ATP13A1: variants seen among roughly 807,000 people sequenced by gnomAD.
The protein encoded by ATP13A1 is endoplasmic reticulum transmembrane helix translocase.
In ATP13A1, 55 loss-of-function variants were observed where a neutral mutation model predicts 134.8. The ratio of observed to expected loss-of-function variants is 0.41; its 90% confidence interval spans 0.33 to 0.51. ATP13A1 has a LOEUF of 0.51. Among genes scored for constraint, ATP13A1 ranks in the 20% least tolerant of loss-of-function variants. The probability of loss-of-function intolerance (pLI) is 0.29; values close to 1 mark genes in which losing one functional copy is unlikely to be tolerated. For missense variants in ATP13A1, 1,389 were observed against 1,652.8 expected, an observed-to-expected ratio of 0.84 and a Z score of 2.77; for synonymous variants, 775 against 725.1, an observed-to-expected ratio of 1.07 and a Z score of -1.10.
chr19:19,654,556 C>G lies in ATP13A1; in HGVS notation c.1800G>C (p.Trp600Cys). Residue 600 changes from tryptophan to cysteine, a missense_variant, in exon 13 of 26, where the codon TGG becomes TGC. Trp to Cys is a radical substitution (Grantham distance 215). This residue lies in a region of ATP13A1 where 747 missense variants were observed against 956.1 expected (regional missense o/e 0.78). Coordinates refer to ENST00000357324, the MANE Select transcript of ATP13A1 (RefSeq NM_020410.3). ...CCAGCCCCTCACCTTTGGTCAGCGTCCAGTCCACGGCCGTCAGCATGGCCT... is the reference window on the plus strand; with the variant it reads ...CCAGCCCCTCACCTTTGGTCAGCGTGCAGTCCACGGCCGTCAGCATGGCCT... ...LEKAMLTAVD[W>C]TLTKDEKVFP... 6.2e-7 allele frequency: 1 copy of G among 1,609,922 alleles called. No individual in the cohort carries two copies. Among genetic ancestry groups the G allele is most frequent in the Non-Finnish European group, 8.5e-7 (1 of 1,178,546 alleles).
Position 19,656,985 on chromosome 19 carries a change from C to T in ATP13A1, c.906+9G>A, listed in dbSNP as rs1279347859. ...GCACCCCCAACCTGGGTCTCCCTGG[C>T]AGCCACACCTGGATCATGTGGGGCT... On this transcript the variant is annotated intron_variant, in intron 5 of 25. Transcript: ENST00000357324. This position sits in a 1 kb window ranked among gnomAD's most constrained non-coding sequence, Gnocchi z 4.6. 1 of 1,601,468 alleles carries T rather than the reference C, an allele frequency of 6.2e-7. No individual in the cohort carries two copies. Among genetic ancestry groups the T allele is most frequent in the Admixed American group, 1.7e-5 (1 of 58,500 alleles).
chr19:19,663,040 C>CT, intron 1 of ATP13A1: 1 of 725,290 alleles, frequency 1.4e-6, no homozygotes, highest in Non-Finnish European at 2.5e-6. Context: ...ATCTAAATGA[C>CT]CATAACAGGG....
chr19:19,661,075 T>C (rs554614352), intron 1 of ATP13A1, among the ~76,000 whole-genome samples: 188 of 145,862 alleles, frequency 1.3e-3, no homozygotes, highest in African/African-American at 4.5e-3. Context: ...CCAGACTCCA[T>C]CTCAAAAACA....
intron 4 of ATP13A1, 50 bp from the exon 5 acceptor site, chr19:19,657,199 G>C (rs2062064901): frequency 6.7e-7 from 1 of 1,488,892 alleles, no homozygotes; most frequent in African/African-American, 1.4e-5. Flanking sequence ...CTGTTCCCAT[G>C]AGCCCCTTCC....
intron 19 of ATP13A1, 51 bp downstream of exon 19, chr19:19,649,516 T>C (rs974068221): frequency 3.2e-6 from 5 of 1,565,992 alleles, no homozygotes; most frequent in African/African-American, 1.4e-5. Flanking sequence ...CTCAGTGACA[T>C]GTCCTCAACA....
intron 17 of ATP13A1, chr19:19,651,421 G>T: frequency 2.9e-6 from 1 of 349,416 alleles, no homozygotes; most frequent in Non-Finnish European, 5.3e-6. Context: ...ATCTGCCCAT[G>T]AGTGCACAGG....
chr19:19,655,874 G>T lies in ATP13A1; in HGVS notation c.1269+4C>A. On this transcript the variant is annotated splice_donor_region_variant and intron_variant, in intron 9 of 25. Coordinates refer to ENST00000357324, the MANE Select transcript of ATP13A1 (RefSeq NM_020410.3). The surrounding 1 kb of genome is among the most constrained non-coding windows in gnomAD (Gnocchi z 5.7). ...GCCCGCCCTCCCCAGACCTGGCCCC[G>T]CACCTGGGATGTGTTGAATCCGGTC... is the stretch of plus-strand genomic sequence containing the variant. The T allele has an allele frequency of 6.3e-7, 1 of 1,580,756 alleles. No homozygotes were observed.
At chr19:19,657,689 C>T (rs2062068406) in intron 3 of ATP13A1, among the ~76,000 whole-genome samples, 1 of 152,202 alleles carries the variant, frequency 6.6e-6, no homozygotes, top group Non-Finnish European at 1.5e-5. Context: ...CTCTTCCTGG[C>T]AGCCTGGGGC....
In ATP13A1 at chr19:19,654,041, A is replaced by G. The variant is rs1401464460; in HGVS notation, c.1917T>C (p.Tyr639=). Residue 639 remains tyrosine (Y), a synonymous_variant, in exon 14 of 26, where the codon TAT becomes TAC. Coordinates refer to ENST00000357324, the MANE Select transcript of ATP13A1 (RefSeq NM_020410.3). ...ALKRMSVLAS[Y]EKLGSTDLCY... Reference sequence around the variant, plus strand: ...AGAGGTCGGTGGAGCCCAGCTTCTCATACGAGGCAAGCACGGACATTCGCT... The same window carrying G: ...AGAGGTCGGTGGAGCCCAGCTTCTCGTACGAGGCAAGCACGGACATTCGCT... 1.3e-6 allele frequency: 2 copies of G among 1,597,588 alleles called. No individual in the cohort carries two copies. Among genetic ancestry groups the G allele is most frequent in the Admixed American group, 1.7e-5 (1 of 57,198 alleles).
At chr19:19,654,233 C>G in intron 13 of ATP13A1, 89 bp from the exon 14 acceptor site, 1 of 1,335,208 alleles carries the variant, frequency 7.5e-7, no homozygotes, top group Non-Finnish European at 1.0e-6. Context: ...CCCCACCTCC[C>G]TCCTGCCTCC....
Position 19,651,813 on chromosome 19 carries a change from G to A in ATP13A1, c.2227-16C>T, listed in dbSNP as rs1356766921. On this transcript the variant is annotated splice_polypyrimidine_tract_variant and intron_variant, in intron 16 of 25. Coordinates refer to ENST00000357324, the MANE Select transcript of ATP13A1 (RefSeq NM_020410.3). The stretch of plus-strand genomic sequence containing the variant: ...TCATGACCACCTTGGGTAAAGAGGG[G>A]CAGAGGCTCAGCATGGCACCCTGGG... 1.2e-6 allele frequency: 2 copies of A among 1,601,886 alleles called. No individual in the cohort carries two copies. The highest frequency in any genetic ancestry group is 1.7e-6 in the Non-Finnish European group (2 of 1,170,934).
In ATP13A1 at chr19:19,647,258, C is replaced by T. The variant is rs368988566; in HGVS notation, c.2976G>A (p.Ala992=). Residue 992 remains alanine, a synonymous_variant, in exon 22 of 26, where the codon GCG becomes GCA. Coordinates refer to ENST00000357324, the MANE Select transcript of ATP13A1 (RefSeq NM_020410.3). This position sits in a 1 kb window ranked among gnomAD's most constrained non-coding sequence, Gnocchi z 4.8. ...VTTLQMFKIL[A]LNALILAYSQ... ...TGTAGGCCAGGATGAGGGCATTGAG[C>T]GCCAGGATCTTGAACATCTGTAGCG... The T allele has an allele frequency of 3.5e-5, 57 of 1,613,806 alleles. No individual in the cohort carries two copies. The highest frequency in any genetic ancestry group is 1.8e-4 in the South Asian group (16 of 91,078).
intron 3 of ATP13A1, 43 bp from the exon 4 acceptor site, chr19:19,657,451 C>G: frequency 6.5e-7 from 1 of 1,543,086 alleles, no homozygotes; most frequent in South Asian, 1.2e-5. Context: ...GGCAAGGCCT[C>G]TGGGGTATGG....
rs1237594341 is a variant in ATP13A1 at position 19,646,221 on chromosome 19, C to G, written c.3232G>C (p.Ala1078Pro). The change falls in exon 23 of 26, where the codon GCC (alanine) becomes CCC (proline). Residue 1078 changes from alanine to proline, a missense_variant. By Grantham distance (27) the Ala-to-Pro change is conservative (BLOSUM62 -1). This residue lies in a region of ATP13A1 where 228 missense variants were observed against 321.0 expected (regional missense o/e 0.71). Transcript: ENST00000357324. ...AGCACTTACTTCTCGGGGCTCCGGG[C>G]CTGGGCCTCACGGTACAGGTAGACA... ...SLVYLYREAQ[A>P]RSPEKQEQFV... is the part of the protein sequence containing the mutation. 6.2e-7 allele frequency: 1 copy of G among 1,613,798 alleles called. No homozygotes were observed. Among genetic ancestry groups the G allele is most frequent in the Non-Finnish European group, 8.5e-7 (1 of 1,179,854 alleles).
chr19:19,656,754 T>C lies in ATP13A1; in HGVS notation c.989A>G (p.Gln330Arg), dbSNP rs368457606. The change falls in exon 7 of 26, where the codon CAG (glutamine) becomes CGG (arginine). Residue 330 changes from glutamine to arginine, a missense_variant. Gln to Arg is a conservative substitution (Grantham distance 43, BLOSUM62 1). Coordinates refer to ENST00000357324, the MANE Select transcript of ATP13A1 (RefSeq NM_020410.3). The surrounding 1 kb of genome is among the most constrained non-coding windows in gnomAD (Gnocchi z 4.6). The stretch of plus-strand genomic sequence containing the variant: ...CACGTCACATGGCACCAGGTTCTCC[T>C]GTGGGGAGCGGCCTGCAGGGCAGAG... ...GDIVSIGRSP[Q>R]ENLVPCDVLL... 5.1e-5 allele frequency: 82 copies of C among 1,613,660 alleles called. No individual in the cohort carries two copies. Among genetic ancestry groups the C allele is most frequent in the Middle Eastern group, 1.6e-4 (1 of 6,062 alleles).
intron 19 of ATP13A1, among the ~76,000 whole-genome samples, chr19:19,648,441 G>A (rs2144898919): frequency 6.9e-6 from 1 of 145,984 alleles, no homozygotes; most frequent in East Asian, 2.1e-4. Flanking sequence ...TATTGGAAAA[G>A]CAAAAAAACC....
At position 19,645,444 on chromosome 19, in the gene ATP13A1, G is replaced by C. The variant is rs780899652; in HGVS notation, c.3593C>G (p.Pro1198Arg). 2 of 1,604,090 alleles carry C rather than the reference G, an allele frequency of 1.2e-6. No homozygotes were observed. The highest frequency in any genetic ancestry group is 1.1e-5 in the South Asian group (1 of 89,502). The change falls in exon 26 of 26, where the codon CCG becomes CGG. Residue 1198 changes from proline to arginine, a missense_variant. Physicochemically the swap from Pro to Arg is moderately radical, Grantham distance 103. This residue lies in a region of ATP13A1 where 228 missense variants were observed against 321.0 expected (regional missense o/e 0.71). Coordinates refer to ENST00000357324, the MANE Select transcript of ATP13A1 (RefSeq NM_020410.3). The surrounding 1 kb of genome is among the most constrained non-coding windows in gnomAD (Gnocchi z 4.1). ...ATCTCAGGAAGGCACTTTCAGCTTCGGGGTCCCCAGGAAGAACTGCAGGAC... is the reference window on the plus strand; with the variant it reads ...ATCTCAGGAAGGCACTTTCAGCTTCCGGGTCCCCAGGAAGAACTGCAGGAC... Reference protein sequence around the residue: ...DRVLQFFLGTPKLKVPS With the variant: ...DRVLQFFLGTRKLKVPS
Position 19,663,312 on chromosome 19 carries a change from G to A in ATP13A1, c.355C>T (p.His119Tyr), listed in dbSNP as rs749219906. Residue 119 changes from histidine to tyrosine, a missense_variant, in exon 1 of 26, where the codon CAT becomes TAT. By Grantham distance (83) the His-to-Tyr change is moderately conservative. Coordinates refer to ENST00000357324, the MANE Select transcript of ATP13A1 (RefSeq NM_020410.3). ...LAHALTVLSGHWSVHAHCALT... is the reference protein window; with the variant it reads ...LAHALTVLSGYWSVHAHCALT... ...GCGCAATGCGCGTGCACAGACCAAT[G>A]CCCCGAGAGGACAGTGAGCGCGTGC... The A allele has an allele frequency of 6.3e-7, 1 of 1,590,754 alleles. No individual in the cohort carries two copies. The highest frequency in any genetic ancestry group is 8.5e-7 in the Non-Finnish European group (1 of 1,169,906).
Position 19,649,762 on chromosome 19 carries a change from G to A in ATP13A1, c.2514C>T (p.Ala838=). Residue 838 remains alanine, a synonymous_variant, in exon 18 of 26, where the codon GCC becomes GCT. Transcript: ENST00000357324. ...LRLIPHVQVF[A]RVAPKQKEFV... is the part of the protein sequence containing the mutation. Reference sequence around the variant, plus strand: ...ATACCTTCTGCTTGGGAGCCACACGGGCGAACACCTGCACATGGGGGATGA... The same window carrying A: ...ATACCTTCTGCTTGGGAGCCACACGAGCGAACACCTGCACATGGGGGATGA... 1 of 1,601,232 alleles carries A rather than the reference G, an allele frequency of 6.2e-7. No individual in the cohort carries two copies. Among genetic ancestry groups the A allele is most frequent in the Non-Finnish European group, 8.5e-7 (1 of 1,173,640 alleles).
Sources: allele counts gnomAD v4.1 joint callset (sites outside exome capture counted in the v4.1 genomes callset), GRCh38; gene constraint gnomAD v4.1.1; regional missense constraint gnomAD v4.1.1; non-coding constraint Gnocchi (gnomAD v3.1); transcripts MANE v1.5; gene names NCBI Gene and HGNC (gene_info 2026-07-23, HGNC 2026-07-21).